ADAMTS20: variants seen among roughly 807,000 people sequenced by gnomAD.
The protein encoded by ADAMTS20 is ADAM metallopeptidase with thrombospondin type 1 motif 20.
ADAMTS20 carries 225 observed loss-of-function variants against 260.1 expected under a neutral mutation model. That is an observed-to-expected ratio of 0.87 (90% CI 0.78 to 0.97). ADAMTS20 has a LOEUF of 0.97. Ranked by LOEUF, ADAMTS20 falls within the 50% of genes least tolerant of loss-of-function variation. The probability of loss-of-function intolerance (pLI) is 0.00; values close to 1 mark genes in which losing one functional copy is unlikely to be tolerated. For synonymous variants in ADAMTS20, 802 were observed against 769.5 expected (o/e 1.04, Z -0.70); for missense variants, 2,400 against 2,337.7 (o/e 1.03, Z -0.55).
Position 43,452,666 on chromosome 12 carries a change from C to T in ADAMTS20, c.1790G>A (p.Gly597Asp). Residue 597 changes from glycine (G) to aspartate (D), a missense_variant, in exon 13 of 39, where the codon GGC becomes GAC. Gly to Asp is a moderately conservative substitution (Grantham distance 94, BLOSUM62 -1). Coordinates refer to ENST00000389420, the MANE Select transcript of ADAMTS20 (RefSeq NM_025003.5). ...ACATGATCGAAATTTCATCCTGCGGCCCACACAGTAATTTCCTCCGTTTCT... is the reference window on the plus strand; with the variant it reads ...ACATGATCGAAATTTCATCCTGCGGTCCACACAGTAATTTCCTCCGTTTCT... ...EPRNGGNYCV[G>D]RRMKFRSCNT... The T allele has an allele frequency of 4.3e-6, 7 of 1,610,166 alleles. No homozygotes were observed. Among genetic ancestry groups the T allele is most frequent in the Non-Finnish European group, 5.9e-6 (7 of 1,177,782 alleles).
chr12:43,549,999 TAGG>T (rs1297962420), intron 2 of ADAMTS20, among the ~76,000 whole-genome samples: 1 of 152,224 alleles, frequency 6.6e-6, no homozygotes, highest in Admixed American at 6.5e-5. Context: ...GCTAGATACT[TAGG>T]AACTGTAGAA....
Position 43,376,597 on chromosome 12 carries a change from T to G in ADAMTS20, c.5052A>C (p.Lys1684Asn), listed in dbSNP as rs760245157. The change falls in exon 33 of 39, where the codon AAA becomes AAC. Residue 1684 changes from lysine to asparagine, a missense_variant. Physicochemically the swap from Lys to Asn is moderately conservative, Grantham distance 94. Transcript: ENST00000389420. Reference protein sequence around the residue: ...IMKRQVKCITKHGLSSDLCLN... With the variant: ...IMKRQVKCITNHGLSSDLCLN... ...AACATAAGTCACTGGACAAACCATG[T>G]TTGGTAATGCATTTCACTTGTCTCT... is the stretch of plus-strand genomic sequence containing the variant. 1.6e-5 allele frequency: 26 copies of G among 1,613,542 alleles called. No homozygotes were observed. Among genetic ancestry groups the G allele is most frequent in the Non-Finnish European group, 2.2e-5 (26 of 1,179,738 alleles).
chr12:43,399,258 TG>T (rs780802253), intron 28 of ADAMTS20, 25 bp from the exon 29 acceptor site: 1 of 1,432,472 alleles, frequency 7.0e-7, no homozygotes, highest in South Asian at 1.6e-5. Flanking sequence ...TGAATGCACT[TG>T]ATTCATTTTC....
intron 28 of ADAMTS20, among the ~76,000 whole-genome samples, chr12:43,413,889 C>T (rs1941079373): frequency 6.6e-6 from 1 of 152,150 alleles, no homozygotes; most frequent in South Asian, 2.1e-4. Flanking sequence ...CTCCTAAACA[C>T]TTTCCTCTGC....
chr12:43,523,469 G>A (rs911390943), intron 3 of ADAMTS20, among the ~76,000 whole-genome samples: 2 of 152,112 alleles, frequency 1.3e-5, no homozygotes, highest in African/African-American at 4.8e-5. Context: ...TGGGGGTGGG[G>A]GGCAAGTGGA....
Position 43,375,450 on chromosome 12 carries a change from T to C in ADAMTS20, c.5375A>G (p.Asn1792Ser), listed in dbSNP as rs905511514. ...GSRREDCECD[N>S]GHLAAGYTVF... ...AGTGTATCCAGCAGCTAAGTGTCCA[T>C]TGTCACATTCACAGTCTTCCCTTCT... Residue 1792 changes from asparagine to serine, a missense_variant, in exon 36 of 39, where the codon AAT becomes AGT. Transcript: ENST00000389420. 6 of 1,613,478 alleles carry C rather than the reference T, an allele frequency of 3.7e-6. No individual in the cohort carries two copies. In the East Asian group the frequency reaches 6.7e-5, roughly 18 times the overall value.
At chr12:43,369,622 G>A (rs1365988317) in intron 36 of ADAMTS20, among the ~76,000 whole-genome samples, 1 of 152,018 alleles carries the variant, frequency 6.6e-6, no homozygotes, top group Non-Finnish European at 1.5e-5. Flanking sequence ...AAGCACATTT[G>A]TAATTAAACA....
chr12:43,437,903 A>C (rs886836142), intron 18 of ADAMTS20, among the ~76,000 whole-genome samples: 4 of 152,218 alleles, frequency 2.6e-5, no homozygotes, highest in Non-Finnish European at 5.9e-5. Context: ...AAAGGTAAAG[A>C]AAAAGTGAAA....
chr12:43,518,841 A>T (rs926965713), intron 3 of ADAMTS20, among the ~76,000 whole-genome samples: 1 of 151,750 alleles, frequency 6.6e-6, no homozygotes, highest in East Asian at 1.9e-4. Flanking sequence ...AAAAAAGAAT[A>T]ATCTGACAAC....
chr12:43,395,932 T>C (rs1393931817), intron 29 of ADAMTS20, among the ~76,000 whole-genome samples: 1 of 151,898 alleles, frequency 6.6e-6, no homozygotes, highest in Non-Finnish European at 1.5e-5. Context: ...AGATGGGACC[T>C]GAGACAATGA....
intron 37 of ADAMTS20, among the ~76,000 whole-genome samples, chr12:43,362,843 A>G (rs1256931175): frequency 6.6e-6 from 1 of 151,780 alleles, no homozygotes; most frequent in Non-Finnish European, 1.5e-5. Flanking sequence ...AAAAAAAAAA[A>G]AAGGTGAAAA....
rs1231829217 is a variant in ADAMTS20 at position 43,452,708 on chromosome 12, A to G, written c.1761-13T>C. On this transcript the variant is annotated splice_polypyrimidine_tract_variant and intron_variant, in intron 12 of 38. Transcript: ENST00000389420. ...TCCGTTTCTTGGCCTAGTCAAATTC[A>G]TTACATTTTAAAGCACATCAGTACA... is the stretch of plus-strand genomic sequence containing the variant. 8 of 1,588,816 alleles carry G rather than the reference A, an allele frequency of 5.0e-6. No individual in the cohort carries two copies.
At chr12:43,372,025 T>A (rs1334527580) in intron 36 of ADAMTS20, among the ~76,000 whole-genome samples, 5 of 152,192 alleles carry the variant, frequency 3.3e-5, no homozygotes, top group Non-Finnish European at 7.3e-5. Flanking sequence ...TGTTAGAAGT[T>A]CAGTTTTGGA....
chr12:43,430,615 A>G, intron 22 of ADAMTS20, 144 bp from the exon 23 acceptor site: 2 of 747,290 alleles, frequency 2.7e-6, no homozygotes, highest in Non-Finnish European at 3.8e-6. Context: ...ACTTAAAAAG[A>G]GCAAATTCAA....
intron 29 of ADAMTS20, among the ~76,000 whole-genome samples, chr12:43,398,049 T>C (rs1430748165): frequency 6.6e-6 from 1 of 152,122 alleles, no homozygotes; most frequent in African/African-American, 2.4e-5. Context: ...AACTCAAACA[T>C]CTGACAGAGA....
At position 43,492,555 on chromosome 12, in the gene ADAMTS20, G is replaced by A. The variant is rs1317218662; in HGVS notation, c.1026C>T (p.Asp342=). The A allele has an allele frequency of 6.2e-7, 1 of 1,613,796 alleles. No individual in the cohort carries two copies. Among genetic ancestry groups the A allele is most frequent in the East Asian group, 2.2e-5 (1 of 44,852 alleles). ...NFCSWQQTQN[D]LDDVHPSHHD... is the part of the protein sequence containing the mutation. Reference sequence around the variant, plus strand: ...GGTGGGAAGGGTGAACATCATCAAGGTCATTCTGAGTTTGTTGCCATGAAC... The same window carrying A: ...GGTGGGAAGGGTGAACATCATCAAGATCATTCTGAGTTTGTTGCCATGAAC... The change falls in exon 6 of 39, where the codon GAC becomes GAT. Residue 342 remains aspartate, a synonymous_variant. Transcript: ENST00000389420.
chr12:43,428,180 G>C, intron 26 of ADAMTS20, 61 bp downstream of exon 26: 1 of 1,526,402 alleles, frequency 6.6e-7, no homozygotes, highest in Non-Finnish European at 8.9e-7. Context: ...ATACATACCT[G>C]TTAAAAGGAT....
At chr12:43,482,228 A>G (rs1942453117) in intron 7 of ADAMTS20, among the ~76,000 whole-genome samples, 1 of 152,186 alleles carries the variant, frequency 6.6e-6, no homozygotes, top group Admixed American at 6.5e-5. Context: ...GAGGTTTGCA[A>G]TATAATCTCA....
chr12:43,353,930 T>C lies in ADAMTS20; in HGVS notation c.*279A>G. 4.2e-6 allele frequency: 1 copy of C among 237,458 alleles called. No individual in the cohort carries two copies. Among genetic ancestry groups the C allele is most frequent in the Non-Finnish European group, 8.2e-6 (1 of 121,598 alleles). The allele number at this position is 237,458 out of a possible 1,614,324, so 14.7% of individuals were successfully genotyped here. ...CAAGATGTTAAGAGCAACACTGTCT[T>C]GGTATAATTCATTCAATCCTGGTAT... is the stretch of plus-strand genomic sequence containing the variant. On this transcript the variant is annotated 3_prime_UTR_variant, in exon 39 of 39. Coordinates refer to ENST00000389420, the MANE Select transcript of ADAMTS20 (RefSeq NM_025003.5).
Sources: gnomAD v4.1 joint callset for allele counts (sites outside exome capture counted in the v4.1 genomes callset) on GRCh38, gnomAD v4.1.1 for gene constraint, MANE v1.5 for transcripts, NCBI Gene and HGNC (gene_info 2026-07-23, HGNC 2026-07-21) for gene names.